ARHGAP26: variants seen among roughly 807,000 people sequenced by gnomAD.
ARHGAP26 encodes rho GTPase-activating protein 26.
In ARHGAP26, 38 loss-of-function variants were observed where a neutral mutation model predicts 104.8. The ratio of observed to expected loss-of-function variants is 0.36; its 90% CI spans 0.28 to 0.48. ARHGAP26 has a LOEUF of 0.48. Among genes scored for constraint, ARHGAP26 ranks in the 20% least tolerant of loss-of-function variants. The probability of loss-of-function intolerance (pLI) is 0.99; values close to 1 mark genes in which losing one functional copy is unlikely to be tolerated. For missense variants in ARHGAP26, 704 were observed against 947.9 expected, an observed-to-expected ratio of 0.74 and a Z score of 3.38; for synonymous variants, 341 against 340.0, an observed-to-expected ratio of 1.00 and a Z score of -0.03.
intron 18 of ARHGAP26, among the ~76,000 whole-genome samples, chr5:143,127,066 T>A (rs1189080481): frequency 6.6e-6 from 1 of 152,238 alleles, no homozygotes; most frequent in Admixed American, 6.5e-5. Context: ...GTTTTCCCTT[T>A]ACTTAGTGTT....
At chr5:143,200,486 A>C (rs1317472056) in intron 20 of ARHGAP26, among the ~76,000 whole-genome samples, 1 of 152,232 alleles carries the variant, frequency 6.6e-6, no homozygotes, top group Non-Finnish European at 1.5e-5. Context: ...ACAATAGAAC[A>C]GCCTGTAGCC....
chr5:143,207,292 G>A lies in ARHGAP26; in HGVS notation c.2083G>A (p.Asp695Asn), dbSNP rs919252044. 13 of 1,614,050 alleles carry A rather than the reference G, an allele frequency of 8.1e-6. No homozygotes were observed. Among genetic ancestry groups the A allele is most frequent in the Non-Finnish European group, 8.5e-6 (10 of 1,180,008 alleles). ...TATGCCCACCTCATCCACGTCCAGCGACTCATCCCCCGTCAGGTCTGTTGC... is the reference window on the plus strand; with the variant it reads ...TATGCCCACCTCATCCACGTCCAGCAACTCATCCCCCGTCAGGTCTGTTGC... ...SPMPTSSTSS[D>N]SSPVSTPFRK... The change falls in exon 21 of 23, where the codon GAC becomes AAC. Residue 695 changes from aspartate to asparagine, a missense_variant. Coordinates refer to ENST00000645722, the MANE Select transcript of ARHGAP26 (RefSeq NM_001135608.3).
rs558940964 is a variant in ARHGAP26 at position 143,058,272 on chromosome 5, A to G, written c.1538+525A>G. 6.2e-5 allele frequency: 15 copies of G among 241,096 alleles called. No individual in the cohort carries two copies. The South Asian group carries it at 9.6e-4, about 15-fold the overall frequency. The allele number at this position is 241,096 out of a possible 1,614,324, so 14.9% of individuals were successfully genotyped here. A position where few individuals can be genotyped will look rare whatever the true frequency, so the allele number is the denominator to read the frequency against. On this transcript the variant is annotated intron_variant, in intron 17 of 22. Transcript: ENST00000645722. ...ATGGATAATAGACTCCCCTTTTTCT[A>G]CAAGGATCATTGATTTTTGAAGTTA...
chr5:142,902,554 A>G (rs1294057177), intron 7 of ARHGAP26, among the ~76,000 whole-genome samples: 2 of 152,160 alleles, frequency 1.3e-5, no homozygotes, highest in African/African-American at 4.8e-5. Flanking sequence ...TAAACACAGG[A>G]CCTTTTGGTG....
At chr5:143,137,450 G>A (rs150289745) in intron 19 of ARHGAP26, among the ~76,000 whole-genome samples, 4 of 152,280 alleles carry the variant, frequency 2.6e-5, no homozygotes, top group African/African-American at 7.2e-5. Flanking sequence ...GGTTTGATGC[G>A]ACCTTACCTT....
At chr5:142,781,950 C>T (rs536462863) in intron 1 of ARHGAP26, among the ~76,000 whole-genome samples, 7 of 152,272 alleles carry the variant, frequency 4.6e-5, no homozygotes, top group Non-Finnish European at 5.9e-5. Flanking sequence ...CTCCTGACTT[C>T]GTGATCTGCC....
chr5:142,894,758 A>G (rs1222397343), intron 6 of ARHGAP26, among the ~76,000 whole-genome samples: 1 of 152,226 alleles, frequency 6.6e-6, no homozygotes, highest in African/African-American at 2.4e-5. Context: ...CCAAAGACAT[A>G]GTACATTTCT....
intron 11 of ARHGAP26, among the ~76,000 whole-genome samples, chr5:142,956,841 G>A (rs562571177): frequency 1.2e-4 from 18 of 152,148 alleles, no homozygotes; most frequent in Non-Finnish European, 2.4e-4. Context: ...GAGAGAATGA[G>A]GAGGAAGCAA....
intron 1 of ARHGAP26, among the ~76,000 whole-genome samples, chr5:142,799,822 G>A (rs1428166108): frequency 3.3e-5 from 5 of 152,182 alleles, no homozygotes; most frequent in Non-Finnish European, 5.9e-5. Flanking sequence ...TCATGAGGGC[G>A]GAGCCCCCAT....
chr5:143,152,641 C>T (rs1374000329), intron 20 of ARHGAP26, among the ~76,000 whole-genome samples: 4 of 152,200 alleles, frequency 2.6e-5, no homozygotes, highest in Non-Finnish European at 5.9e-5. Context: ...CTGACCTTTA[C>T]CCTTTGACTT....
intron 2 of ARHGAP26, 98 bp from the exon 3 acceptor site, chr5:142,875,012 C>T: frequency 2.0e-6 from 2 of 998,196 alleles, no homozygotes; most frequent in Non-Finnish European, 3.2e-6. Flanking sequence ...TCTGTATGTG[C>T]CAAGGAATTA....
intron 6 of ARHGAP26, among the ~76,000 whole-genome samples, chr5:142,899,885 T>TG (rs1478876881): frequency 1.2e-4 from 19 of 152,302 alleles, no homozygotes; most frequent in African/African-American, 4.6e-4. Flanking sequence ...GGGGAGCACT[T>TG]GCGGGTATGC....
At chr5:142,927,738 C>A (rs1175326740) in intron 10 of ARHGAP26, among the ~76,000 whole-genome samples, 1 of 152,182 alleles carries the variant, frequency 6.6e-6, no homozygotes, top group African/African-American at 2.4e-5. Context: ...TTAGTTCTAG[C>A]AGATATTGCC....
At chr5:143,198,758 C>T (rs1163958675) in intron 20 of ARHGAP26, among the ~76,000 whole-genome samples, 1 of 152,182 alleles carries the variant, frequency 6.6e-6, no homozygotes, top group African/African-American at 2.4e-5. Flanking sequence ...TTCCTACTCA[C>T]CCCATCTAAG....
intron 3 of ARHGAP26, among the ~76,000 whole-genome samples, chr5:142,877,159 T>C (rs1450192509): frequency 6.6e-6 from 1 of 152,204 alleles, no homozygotes; most frequent in African/African-American, 2.4e-5. Context: ...TTATTATTAA[T>C]GTCAGTGAAT....
rs1236717635 is a variant in ARHGAP26, at chr5:142,941,090, AAAAAAAAAAAG to A, written c.1107+8968_1107+8978del. Among the ~76,000 whole-genome samples, 6 of 150,312 alleles carry A rather than the reference AAAAAAAAAAAG, an allele frequency of 4.0e-5. No homozygotes were observed. The South Asian group carries it at 8.4e-4, about 21-fold the overall frequency. ...ACTCCATCTCAAAAAAAAAAAAAAA[AAAAAAAAAAAG>A]AATCTATATTCCATTGGGTATATAC... On this transcript the variant is annotated intron_variant, in intron 11 of 22. Coordinates refer to ENST00000645722, the MANE Select transcript of ARHGAP26 (RefSeq NM_001135608.3).
chr5:142,914,052 G>A (rs532142355), intron 10 of ARHGAP26, among the ~76,000 whole-genome samples: 19 of 152,266 alleles, frequency 1.2e-4, no homozygotes, highest in Admixed American at 9.1e-4. Flanking sequence ...ATGATACTCC[G>A]TATAATGCCA....
intron 11 of ARHGAP26, among the ~76,000 whole-genome samples, chr5:142,967,234 G>C (rs574398229): frequency 2.0e-5 from 3 of 152,282 alleles, no homozygotes; most frequent in African/African-American, 7.2e-5. Flanking sequence ...ATAAAAACAA[G>C]TGCCAGTAAG....
At chr5:142,852,570 A>C (rs1751702124) in intron 1 of ARHGAP26, among the ~76,000 whole-genome samples, 1 of 152,216 alleles carries the variant, frequency 6.6e-6, no homozygotes, top group South Asian at 2.1e-4. Flanking sequence ...GGCTTGTAAC[A>C]GTCGGGATTT....
Sources: allele counts gnomAD v4.1 joint callset (sites outside exome capture counted in the v4.1 genomes callset), GRCh38; gene constraint gnomAD v4.1.1; transcripts MANE v1.5; gene names NCBI Gene and HGNC (gene_info 2026-07-23, HGNC 2026-07-21).